Variants in SLC25A29 observed in about 807,000 individuals in gnomAD.
The protein encoded by SLC25A29 is mitochondrial basic amino acids transporter.
SLC25A29 carries 13 observed loss-of-function variants against 10.0 expected under a neutral mutation model. The observed-to-expected ratio is 1.30, with a 90% CI of 0.85 to 2.07. The LOEUF (loss-of-function observed/expected upper bound fraction) is 2.07. SLC25A29 is among the 30% of genes most tolerant of loss of function. The pLI, the probability that SLC25A29 is intolerant of heterozygous loss-of-function variation, is 0.00. For synonymous variants in SLC25A29, 244 were observed against 221.1 expected, an observed-to-expected ratio of 1.10 and a Z score of -0.92; for missense variants, 475 against 447.6, an observed-to-expected ratio of 1.06 and a Z score of -0.55.
At chr14:100,288,382 C>CAAAAAAAAAAA (rs541814439), downstream of SLC25A29, among the ~76,000 whole-genome samples, 1 of 63,822 alleles carries the variant, frequency 1.6e-5, no homozygotes. Flanking sequence ...AACTCTATCT[C>CAAAAAAAAAAA]AAAAAAAAAA....
intron 2 of SLC25A29, among the ~76,000 whole-genome samples, chr14:100,297,412 A>G (rs776862796): frequency 2.1e-4 from 32 of 152,124 alleles, no homozygotes; most frequent in Admixed American, 1.6e-3. Flanking sequence ...GCAGAAGCCC[A>G]GCAGGTCTGG....
At chr14:100,298,124 G>A (rs902596237) in intron 2 of SLC25A29, 1 of 153,810 alleles carries the variant, frequency 6.5e-6, no homozygotes, top group African/African-American at 2.4e-5. Flanking sequence ...TCAGTGGGAA[G>A]AGCGGCCACG....
chr14:100,300,343 G>A lies in SLC25A29; in HGVS notation c.35-1458C>T, dbSNP rs902247952. 2.0e-5 allele frequency among the ~76,000 whole-genome samples: 3 copies of A among 152,238 alleles called. No individual in the cohort carries two copies. The East Asian group carries it at 5.8e-4, about 29-fold the overall frequency. On this transcript the variant is annotated intron_variant, in intron 1 of 3. Transcript: ENST00000359232. Reference sequence around the variant, plus strand: ...ACTTTGCCAGTTCTGCTTTCTCTTTGGTTACATGTGACTGGTATGGTTTTG... The same window carrying A: ...ACTTTGCCAGTTCTGCTTTCTCTTTAGTTACATGTGACTGGTATGGTTTTG...
At chr14:100,282,751 G>A in the SLC25A29 span, 1 of 152,170 alleles carries the variant, frequency 6.6e-6, no homozygotes, top group Admixed American at 6.5e-5. Context: ...GTGTAATATG[G>A]CTCTATACAA....
intron 2 of SLC25A29, among the ~76,000 whole-genome samples, chr14:100,297,560 G>C (rs1178093704): frequency 1.3e-5 from 2 of 152,232 alleles, no homozygotes; most frequent in African/African-American, 4.8e-5. Context: ...ACACTGCCAG[G>C]CTGTCCTGGG....
At chr14:100,287,482 G>A (rs1488318036), downstream of SLC25A29, among the ~76,000 whole-genome samples, 3 of 152,130 alleles carry the variant, frequency 2.0e-5, no homozygotes, top group Non-Finnish European at 4.4e-5. Context: ...GTCAAGGAAG[G>A]AGCCATAAAC....
chr14:100,284,040 A>T, the SLC25A29 span, among the ~76,000 whole-genome samples: 1 of 152,222 alleles, frequency 6.6e-6, no homozygotes, highest in African/African-American at 2.4e-5. Flanking sequence ...CACCATGCGC[A>T]GCCCATAACA....
chr14:100,300,516 G>C (rs1173809145), intron 1 of SLC25A29, among the ~76,000 whole-genome samples: 4 of 152,096 alleles, frequency 2.6e-5, no homozygotes, highest in African/African-American at 9.7e-5. Context: ...CCAAGTAGCT[G>C]AGACAACAGG....
chr14:100,299,699 C>A (rs1892413464), intron 1 of SLC25A29: 5 of 984,822 alleles, frequency 5.1e-6, no homozygotes, highest in Non-Finnish European at 6.0e-6. Flanking sequence ...GAGTAAGCAG[C>A]CTCATTACCC....
chr14:100,300,488 C>A (rs1296037127), intron 1 of SLC25A29, among the ~76,000 whole-genome samples: 4 of 152,018 alleles, frequency 2.6e-5, no homozygotes, highest in African/African-American at 9.7e-5. Flanking sequence ...GCTCAATCGA[C>A]CCTCCTGCCT....
Position 100,292,071 on chromosome 14 carries a change from T to C in SLC25A29, c.*212A>G, listed in dbSNP as rs1891736092. 5.0e-6 allele frequency: 3 copies of C among 605,126 alleles called. No homozygotes were observed. The highest frequency in any genetic ancestry group is 3.7e-5 in the South Asian group (2 of 53,396). The allele number at this position is 605,126 out of a possible 1,614,324, so 37.5% of individuals were successfully genotyped here. A position where few individuals can be genotyped will look rare whatever the true frequency, so the allele number is the denominator to read the frequency against. On this transcript the variant is annotated 3_prime_UTR_variant, in exon 4 of 4. Transcript: ENST00000359232. ...CTCTGAGCTTCGTGACTCTACAGTG[T>C]GGGCATGAGGGTCCTTATTTCATAG...
At chr14:100,287,630 C>T (rs1455487526), downstream of SLC25A29, among the ~76,000 whole-genome samples, 1 of 98,018 alleles carries the variant, frequency 1.0e-5, no homozygotes, top group East Asian at 3.8e-4. Flanking sequence ...GGAGCACCAC[C>T]CCCCCCCTCC....
chr14:100,298,707 A>C, intron 2 of SLC25A29, 135 bp downstream of exon 2: 1 of 1,088,826 alleles, frequency 9.2e-7, no homozygotes, highest in African/African-American at 1.5e-5. Context: ...GCAGTGAGGA[A>C]GGTTCAACCC....
chr14:100,306,159 A>G, intron 1 of SLC25A29, 40 bp downstream of exon 1: 1 of 1,403,212 alleles, frequency 7.1e-7, no homozygotes, highest in Non-Finnish European at 9.3e-7. Context: ...CCCTCCCCGG[A>G]CGCCTCGCCC....
At chr14:100,297,640 G>A (rs1177899654) in intron 2 of SLC25A29, among the ~76,000 whole-genome samples, 1 of 152,256 alleles carries the variant, frequency 6.6e-6, no homozygotes, top group Non-Finnish European at 1.5e-5. Flanking sequence ...TGGGGCCGGG[G>A]GCTGTGTGGG....
In SLC25A29 at chr14:100,305,528, A is replaced by ACGCC. The variant is rs1892867093; in HGVS notation, c.34+667_34+670dup. 3 of 152,322 alleles carry ACGCC rather than the reference A, an allele frequency of 2.0e-5. No homozygotes were observed. The South Asian group carries it at 6.2e-4, about 32-fold the overall frequency. 9.4% of individuals were successfully genotyped at this position (152,322 alleles called of 1,614,324 possible). On this transcript the variant is annotated intron_variant, in intron 1 of 3. Transcript: ENST00000359232. ...CGGGGCATGGGAGAGCCTGGACTGC[A>ACGCC]CGCCCGCCCGGGCCCTCCCGGGGAC...
At position 100,292,664 on chromosome 14, in the gene SLC25A29, C is replaced by T; in HGVS notation, c.531G>A (p.Arg177=). The change falls in exon 4 of 4, where the codon CGG becomes CGA. Residue 177 remains arginine, a synonymous_variant. Transcript: ENST00000359232. Reference sequence around the variant, plus strand: ...GGTCGCCCGGCTCGCAGCCCAGCGCCCGCGTGAGAGCGTCATAGGTGAGGA... The same window carrying T: ...GGTCGCCCGGCTCGCAGCCCAGCGCTCGCGTGAGAGCGTCATAGGTGAGGA... The part of the protein sequence containing the change: ...VYFLTYDALT[R]ALGCEPGDRL... The T allele has an allele frequency of 6.3e-7, 1 of 1,599,950 alleles. No homozygotes were observed. The highest frequency in any genetic ancestry group is 8.5e-7 in the Non-Finnish European group (1 of 1,174,980).
At chr14:100,293,691 A>C in intron 2 of SLC25A29, 2 of 289,056 alleles carry the variant, frequency 6.9e-6, no homozygotes, top group Non-Finnish European at 6.5e-6. Context: ...GGCATGAACG[A>C]CCTCCTGAGA....
chr14:100,299,672 AG>A, intron 1 of SLC25A29: 1 of 985,126 alleles, frequency 1.0e-6, no homozygotes, highest in Non-Finnish European at 1.2e-6. Context: ...ACCATCTCTG[AG>A]TCTTGCCACC....
Sources: allele counts gnomAD v4.1 joint callset (sites outside exome capture counted in the v4.1 genomes callset), GRCh38; gene constraint gnomAD v4.1.1; transcripts MANE v1.5; gene names NCBI Gene and HGNC (gene_info 2026-07-23, HGNC 2026-07-21).